FAM186A: variants seen among roughly 807,000 people sequenced by gnomAD.
FAM186A encodes family with sequence similarity 186 member A.
A neutral mutation model predicts 216.8 loss-of-function variants in FAM186A; 163 were observed. The observed-to-expected ratio is 0.75, with a 90% confidence interval of 0.66 to 0.86. FAM186A has a LOEUF of 0.86. FAM186A is among the 40% of genes least tolerant of loss of function. The pLI, the probability that FAM186A is intolerant of heterozygous loss-of-function variation, is 0.00. For missense variants in FAM186A, 2,184 were observed against 2,746.2 expected, an observed-to-expected ratio of 0.80 and a Z score of 4.58; for synonymous variants, 805 against 1,025.3, an observed-to-expected ratio of 0.79 and a Z score of 4.10.
chr12:50,330,480 G>A, intron 7 of FAM186A, 93 bp downstream of exon 7: 3 of 1,286,070 alleles, frequency 2.3e-6, no homozygotes, highest in Non-Finnish European at 3.2e-6. Flanking sequence ...TTTGGTTGAT[G>A]TACCTGGTGC....
intron 4 of FAM186A, among the ~76,000 whole-genome samples, chr12:50,340,611 G>C (rs1012358737): frequency 2.6e-5 from 4 of 151,326 alleles, no homozygotes; most frequent in Non-Finnish European, 5.9e-5. Context: ...GGAGTTTGGC[G>C]TTATGGTGAG....
intron 1 of FAM186A, among the ~76,000 whole-genome samples, chr12:50,373,059 G>GAAAGAAAGAGA (rs1943163415): frequency 1.4e-5 from 2 of 144,484 alleles, no homozygotes; most frequent in Non-Finnish European, 3.0e-5. Context: ...AAGAAAGAAA[G>GAAAGAAAGAGA]AAAGAAAGAA....
intron 3 of FAM186A, among the ~76,000 whole-genome samples, chr12:50,356,981 A>G (rs549553886): frequency 1.3e-5 from 2 of 152,136 alleles, no homozygotes; most frequent in East Asian, 3.9e-4. Context: ...CCTGGGTAAA[A>G]GAGTGAGACT....
rs868179761 is a variant in FAM186A at position 50,375,473 on chromosome 12, C to T, written c.193-12109G>A. On this transcript the variant is annotated intron_variant, in intron 1 of 7. Transcript: ENST00000327337. ...ATGAGGCAAAAGAATTGCTTGAACC[C>T]GGGAGGCAGAGGTTGCAGCGAGCCG... is the stretch of plus-strand genomic sequence containing the variant. Among the ~76,000 whole-genome samples, 4 of 150,756 alleles carry T rather than the reference C, an allele frequency of 2.7e-5. No homozygotes were observed. The South Asian group carries it at 6.3e-4, about 24-fold the overall frequency.
rs1418950538 is a variant in FAM186A at position 50,352,829 on chromosome 12, G to C, written c.4003C>G (p.Gln1335Glu). 204 of 1,542,074 alleles carry C rather than the reference G, an allele frequency of 1.3e-4. 1 individual carries two copies. Among genetic ancestry groups the C allele is most frequent in the Non-Finnish European group, 1.7e-4 (195 of 1,143,662 alleles). The stretch of plus-strand genomic sequence containing the variant: ...TGCTGAGGGGTGAGAGTGATCTCCT[G>C]AGTCTGCGCCTGCTGAGGGGTGAGA... ...IPLTPQQAQT[Q>E]EITLTPQQAQ... Residue 1335 changes from glutamine (Q) to glutamate (E), a missense_variant, in exon 4 of 8, where the codon CAG becomes GAG. Transcript: ENST00000327337.
rs1442345602 is a variant in FAM186A, at chr12:50,351,122, A to G, written c.5710T>C (p.Ser1904Pro). Residue 1904 changes from serine (S) to proline (P), a missense_variant, in exon 4 of 8, where the codon TCT (serine) becomes CCT (proline). By Grantham distance (74) the Ser-to-Pro change is moderately conservative. This residue lies in a region of FAM186A where 721 missense variants were observed against 816.4 expected (regional missense o/e 0.88). Transcript: ENST00000327337. ...GTTGCCAGATGCTGCCCAGGGGTAG[A>G]AGGAGCCTGCAGATAGGGAGATTGC... ...AEQSPYLQAPSTPGQHLATWT... is the reference protein window; with the variant it reads ...AEQSPYLQAPPTPGQHLATWT... 6.4e-7 allele frequency: 1 copy of G among 1,551,146 alleles called. No individual in the cohort carries two copies.
In FAM186A at chr12:50,354,609, C is replaced by G. The variant is rs1015465540; in HGVS notation, c.2223G>C (p.Lys741Asn). The G allele has an allele frequency of 6.5e-6, 10 of 1,547,870 alleles. No individual in the cohort carries two copies. The highest frequency in any genetic ancestry group is 8.7e-6 in the Non-Finnish European group (10 of 1,146,180). ...TAGGTTTCTCTCCAACTTGTTCTTC[C>G]TTTTTTGTATCTTTGTATTTTCTCA... ...KILRKYKDTK[K>N]EEQVGEKPIK... Residue 741 changes from lysine (K) to asparagine (N), a missense_variant, in exon 4 of 8, where the codon AAG becomes AAC. Coordinates refer to ENST00000327337, the MANE Select transcript of FAM186A (RefSeq NM_001145475.3).
chr12:50,379,864 A>T (rs1157454562), intron 1 of FAM186A, among the ~76,000 whole-genome samples: 1 of 152,210 alleles, frequency 6.6e-6, no homozygotes, highest in African/African-American at 2.4e-5. Context: ...GAAATGAAAA[A>T]TTATGCATGA....
At position 50,353,827 on chromosome 12, in the gene FAM186A, A is replaced by G. The variant is rs975921328; in HGVS notation, c.3005T>C (p.Val1002Ala). 22 of 1,551,482 alleles carry G rather than the reference A, an allele frequency of 1.4e-5. No individual in the cohort carries two copies. In the Admixed American group the frequency reaches 2.7e-4, roughly 19 times the overall value. Residue 1002 changes from valine (V) to alanine (A), a missense_variant, in exon 4 of 8, where the codon GTC becomes GCC. Around this residue, in one of 7 missense-constraint regions of FAM186A, gnomAD observed 1,132 missense variants for 1,263.4 expected, o/e 0.90. Coordinates refer to ENST00000327337, the MANE Select transcript of FAM186A (RefSeq NM_001145475.3). ...AGATAATGTCATTGGAGTTTGGATG[A>G]CCATTTTTTCTAGCTCTTTAGGTTG... The part of the protein sequence containing the change: ...ETQPKELEKM[V>A]IQTPMTLSPR...
intron 4 of FAM186A, among the ~76,000 whole-genome samples, chr12:50,342,533 G>A (rs1942774335): frequency 6.6e-6 from 1 of 150,890 alleles, no homozygotes; most frequent in South Asian, 2.1e-4. Flanking sequence ...GGAGTGCAGT[G>A]GCATGATCTC....
chr12:50,368,965 T>A (rs539550129), intron 1 of FAM186A, among the ~76,000 whole-genome samples: 114 of 135,228 alleles, frequency 8.4e-4, no homozygotes, highest in Middle Eastern at 3.7e-3. Flanking sequence ...GACAGTCTTT[T>A]AAAAAAAAAA....
chr12:50,365,677 C>T, intron 1 of FAM186A: 1 of 718,088 alleles, frequency 1.4e-6, no homozygotes. Context: ...TTTGTGACTT[C>T]CGACTGAAGC....
chr12:50,356,354 TA>T (rs1481671917), intron 3 of FAM186A, 106 bp from the exon 4 acceptor site: 1 of 809,772 alleles, frequency 1.2e-6, no homozygotes, highest in Non-Finnish European at 1.8e-6. Flanking sequence ...TATAACTAAT[TA>T]AATATAAGAT....
intron 1 of FAM186A, 32 bp from the exon 2 acceptor site, chr12:50,363,396 C>T (rs1308009761): frequency 2.7e-6 from 4 of 1,504,156 alleles, no homozygotes; most frequent in Admixed American, 4.0e-5. Context: ...ATGTATTAAT[C>T]TTCAGTTTGA....
At chr12:50,387,220 G>A (rs1456874531) in intron 1 of FAM186A, among the ~76,000 whole-genome samples, 1 of 152,140 alleles carries the variant, frequency 6.6e-6, no homozygotes, top group Non-Finnish European at 1.5e-5. Flanking sequence ...CAGAACTTCT[G>A]ACCAATCAAT....
chr12:50,374,138 C>A (rs1381833653), intron 1 of FAM186A, among the ~76,000 whole-genome samples: 3 of 120,198 alleles, frequency 2.5e-5, no homozygotes, highest in African/African-American at 1.0e-4. Flanking sequence ...ACATCACACT[C>A]TGGGGACTGT....
chr12:50,376,501 G>T (rs1943199560), intron 1 of FAM186A, among the ~76,000 whole-genome samples: 1 of 152,172 alleles, frequency 6.6e-6, no homozygotes, highest in South Asian at 2.1e-4. Context: ...GCCACTCAAA[G>T]TGGATAGCTT....
chr12:50,377,666 C>G (rs942483743), intron 1 of FAM186A, among the ~76,000 whole-genome samples: 28 of 151,498 alleles, frequency 1.8e-4, no homozygotes, highest in Non-Finnish European at 3.1e-4. Flanking sequence ...AACCCTGTCT[C>G]TACTAAAAAT....
At chr12:50,336,083 C>T (rs369649965) in intron 4 of FAM186A, among the ~76,000 whole-genome samples, 3 of 150,772 alleles carry the variant, frequency 2.0e-5, no homozygotes, top group African/African-American at 4.9e-5. Context: ...CGAGACCACA[C>T]CATTGCACTC....
Sources: allele counts gnomAD v4.1 joint callset (sites outside exome capture counted in the v4.1 genomes callset), GRCh38; gene constraint gnomAD v4.1.1; regional missense constraint gnomAD v4.1.1; transcripts MANE v1.5; gene names NCBI Gene and HGNC (gene_info 2026-07-23, HGNC 2026-07-21).